The following STPG2 variants were observed in gnomAD, a reference collection of about 807,000 sequenced individuals.
STPG2 encodes sperm tail PG-rich repeat containing 2.
In STPG2, 56 loss-of-function variants were observed where a neutral mutation model predicts 54.2. The ratio of observed to expected loss-of-function variants is 1.03; its 90% CI spans 0.83 to 1.29. The LOEUF is 1.29. Among genes scored for constraint, STPG2 ranks in the 50% most tolerant of loss-of-function variants. STPG2 has a pLI of 0.00. For synonymous variants in STPG2, 200 were observed against 181.8 expected, an observed-to-expected ratio of 1.10 and a Z score of -0.81; for missense variants, 596 against 544.9, an observed-to-expected ratio of 1.09 and a Z score of -0.93.
At chr4:97,729,694 C>G (rs112818840) in intron 9 of STPG2, among the ~76,000 whole-genome samples, 1,891 of 152,086 alleles carry the variant, frequency 0.012, 35 homozygotes, top group African/African-American at 0.043. Context: ...CATCATAAAC[C>G]CTCCTAACAA....
At chr4:97,917,434 T>A (rs1332367902) in intron 8 of STPG2, 2 of 152,150 alleles carry the variant, frequency 1.3e-5, no homozygotes, top group Non-Finnish European at 2.9e-5. Context: ...GCAAAAGATT[T>A]TTAAAATAAG....
intron 8 of STPG2, among the ~76,000 whole-genome samples, chr4:97,906,747 C>G (rs1481226019): frequency 6.6e-6 from 1 of 151,986 alleles, no homozygotes; most frequent in South Asian, 2.1e-4. Context: ...AGCATATAAA[C>G]AGAGCCAAAG....
chr4:97,913,994 C>A (rs1051967992), intron 8 of STPG2, among the ~76,000 whole-genome samples: 1 of 152,082 alleles, frequency 6.6e-6, no homozygotes, highest in African/African-American at 2.4e-5. Context: ...CAAATCAAAG[C>A]TGTACATTCA....
intron 9 of STPG2, among the ~76,000 whole-genome samples, chr4:97,746,925 C>T (rs530379754): frequency 1.7e-4 from 26 of 150,430 alleles, no homozygotes; most frequent in Non-Finnish European, 3.1e-4. Flanking sequence ...AGTAGACACT[C>T]GGTAAATATA....
chr4:97,554,462 G>A (rs577030074), downstream of STPG2, among the ~76,000 whole-genome samples: 5 of 152,282 alleles, frequency 3.3e-5, no homozygotes, highest in South Asian at 1.0e-3. Context: ...GCAGAAGTGT[G>A]TCCTGAACCT....
intron 9 of STPG2, among the ~76,000 whole-genome samples, chr4:97,752,073 A>C (rs755357384): frequency 1.6e-4 from 24 of 151,846 alleles, no homozygotes; most frequent in Non-Finnish European, 3.4e-4. Flanking sequence ...AATATAATGA[A>C]GAAATCACTT....
chr4:98,012,674 T>C (rs924990795), intron 5 of STPG2, among the ~76,000 whole-genome samples: 4 of 152,220 alleles, frequency 2.6e-5, no homozygotes, highest in Admixed American at 1.3e-4. Flanking sequence ...ACATCCCTTG[T>C]TAACTGTATT....
chr4:97,726,182 A>G (rs1724619597), intron 9 of STPG2, among the ~76,000 whole-genome samples: 1 of 151,944 alleles, frequency 6.6e-6, no homozygotes, highest in Non-Finnish European at 1.5e-5. Flanking sequence ...ATAAAATGAG[A>G]ATCAACTCAA....
intron 4 of STPG2, among the ~76,000 whole-genome samples, chr4:97,495,815 A>G (rs1730600462): frequency 6.6e-6 from 1 of 151,556 alleles, no homozygotes; most frequent in South Asian, 2.1e-4. Flanking sequence ...TGGTAAAATA[A>G]AATAAAATAA....
chr4:97,742,291 C>T (rs550148091), intron 9 of STPG2, among the ~76,000 whole-genome samples: 5 of 151,430 alleles, frequency 3.3e-5, no homozygotes, highest in African/African-American at 1.2e-4. Flanking sequence ...GTGCAGCACA[C>T]CAGCATGGCA....
At chr4:97,984,703 C>CTTTGACTACACTTCAAA (rs1414170058) in intron 5 of STPG2, among the ~76,000 whole-genome samples, 1 of 151,992 alleles carries the variant, frequency 6.6e-6, no homozygotes, top group Non-Finnish European at 1.5e-5. Context: ...AAGATAAATA[C>CTTTGACTACACTTCAAA]GTATTTTTTG....
chr4:97,783,910 G>C (rs1455634266), intron 9 of STPG2, among the ~76,000 whole-genome samples: 1 of 151,864 alleles, frequency 6.6e-6, no homozygotes, highest in Non-Finnish European at 1.5e-5. Context: ...ACACACTGCG[G>C]CCAGTCATGG....
At chr4:97,986,758 C>A (rs700738) in intron 5 of STPG2, among the ~76,000 whole-genome samples, 58,091 of 151,976 alleles carry the variant, frequency 0.38, 12,399 homozygotes, top group Admixed American at 0.51. Flanking sequence ...TTTTCCTAGA[C>A]CATGTCTATT....
chr4:98,129,892 T>C (rs1408353707), intron 2 of STPG2, among the ~76,000 whole-genome samples: 1 of 152,148 alleles, frequency 6.6e-6, no homozygotes, highest in Non-Finnish European at 1.5e-5. Context: ...GTTTTTGCTC[T>C]TGTTGCCCAG....
intron 10 of STPG2, among the ~76,000 whole-genome samples, chr4:97,665,417 A>G (rs1722494593): frequency 6.6e-6 from 1 of 152,080 alleles, no homozygotes; most frequent in Non-Finnish European, 1.5e-5. Flanking sequence ...ATGTCCCAAC[A>G]AGTGTTCAGC....
intron 9 of STPG2, among the ~76,000 whole-genome samples, chr4:97,774,174 C>T (rs2149064864): frequency 6.6e-6 from 1 of 152,222 alleles, no homozygotes; most frequent in Non-Finnish European, 1.5e-5. Flanking sequence ...GATTTGTATT[C>T]TATTACGTAT....
intron 5 of STPG2, among the ~76,000 whole-genome samples, chr4:98,038,353 G>A (rs1265229035): frequency 6.6e-6 from 1 of 152,052 alleles, no homozygotes; most frequent in Non-Finnish European, 1.5e-5. Context: ...GTGTGGTATT[G>A]GTTTGAGATT....
At chr4:97,751,862 C>T (rs1725590992) in intron 9 of STPG2, among the ~76,000 whole-genome samples, 2 of 151,692 alleles carry the variant, frequency 1.3e-5, no homozygotes, top group South Asian at 4.1e-4. Context: ...CTTCTAATTA[C>T]TGCCGATAGC....
At chr4:97,753,471 C>G (rs571509396) in intron 9 of STPG2, among the ~76,000 whole-genome samples, 95 of 152,082 alleles carry the variant, frequency 6.2e-4, no homozygotes, top group African/African-American at 2.1e-3. Context: ...TTTTGCTTAT[C>G]CACTCATCTA....
Sources: allele counts gnomAD v4.1 joint callset (sites outside exome capture counted in the v4.1 genomes callset), GRCh38; gene constraint gnomAD v4.1.1; transcripts MANE v1.5; gene names NCBI Gene and HGNC (gene_info 2026-07-23, HGNC 2026-07-21).